LRMDA: variants seen among roughly 807,000 people sequenced by gnomAD.
The protein encoded by LRMDA is leucine-rich melanocyte differentiation-associated protein.
In LRMDA, 18 loss-of-function variants were observed where a neutral mutation model predicts 29.8. That is an observed-to-expected ratio of 0.60 (90% CI 0.42 to 0.90). The LOEUF (loss-of-function observed/expected upper bound fraction) is 0.90, where lower values mean the gene tolerates loss of function less well. Ranked by LOEUF, LRMDA falls within the 40% of genes least tolerant of loss-of-function variation. LRMDA has a pLI of 0.00. For missense variants in LRMDA, 273 were observed against 273.9 expected, an observed-to-expected ratio of 1.00 and a Z score of 0.02; for synonymous variants, 125 against 109.4, an observed-to-expected ratio of 1.14 and a Z score of -0.89.
At chr10:75,464,358 C>T (rs1024604785) in intron 2 of LRMDA, among the ~76,000 whole-genome samples, 1 of 152,128 alleles carries the variant, frequency 6.6e-6, no homozygotes, top group Non-Finnish European at 1.5e-5. Context: ...TTTGTGTATA[C>T]TCGAGTGGTG....
intron 6 of LRMDA, among the ~76,000 whole-genome samples, chr10:76,398,089 A>G (rs1003191316): frequency 1.3e-5 from 2 of 152,194 alleles, no homozygotes; most frequent in African/African-American, 4.8e-5. Flanking sequence ...AGAACCGAGC[A>G]GGTCTGCGGC....
chr10:75,775,715 T>A (rs1489481409), intron 2 of LRMDA, among the ~76,000 whole-genome samples: 2 of 152,192 alleles, frequency 1.3e-5, no homozygotes, highest in Non-Finnish European at 2.9e-5. Flanking sequence ...TCTTGGTGGC[T>A]CCACAGAGCA....
intron 5 of LRMDA, among the ~76,000 whole-genome samples, chr10:76,292,958 A>T (rs926061966): frequency 3.3e-5 from 5 of 152,134 alleles, no homozygotes; most frequent in South Asian, 4.1e-4. Flanking sequence ...ATGGGGAAAC[A>T]GTGTGTGTAT....
At chr10:76,115,720 A>G (rs11001615) in intron 5 of LRMDA, among the ~76,000 whole-genome samples, 80,843 of 151,854 alleles carry the variant, frequency 0.53, 22,489 homozygotes, top group East Asian at 0.74. Context: ...TTTCTTTCAC[A>G]GCTCCGGCTG....
At chr10:76,427,156 T>C (rs556034976) in intron 6 of LRMDA, among the ~76,000 whole-genome samples, 33 of 152,188 alleles carry the variant, frequency 2.2e-4, no homozygotes, top group African/African-American at 7.7e-4. Context: ...CATTGGTAGC[T>C]TGATGGGGAT....
intron 2 of LRMDA, among the ~76,000 whole-genome samples, chr10:75,506,462 T>TC (rs1845169368): frequency 8.8e-6 from 1 of 113,282 alleles, no homozygotes; most frequent in Non-Finnish European, 1.8e-5. Flanking sequence ...CATTCATTTA[T>TC]TTTTTTCATT....
intron 6 of LRMDA, among the ~76,000 whole-genome samples, chr10:76,429,574 TA>T (rs540840896): frequency 1.7e-4 from 25 of 149,466 alleles, no homozygotes; most frequent in Middle Eastern, 7.0e-3. Context: ...TGCGTTTCAT[TA>T]AAAAAAAAAT....
intron 6 of LRMDA, among the ~76,000 whole-genome samples, chr10:76,531,522 AT>A (rs1007054530): frequency 2.0e-5 from 3 of 151,726 alleles, no homozygotes; most frequent in East Asian, 3.9e-4. Flanking sequence ...GAATTTTGTC[AT>A]TTTTTTCTGC....
intron 6 of LRMDA, among the ~76,000 whole-genome samples, chr10:76,458,570 GCT>G (rs1842481234): frequency 6.6e-6 from 1 of 152,158 alleles, no homozygotes; most frequent in Admixed American, 6.5e-5. Flanking sequence ...GGAAGCTTGA[GCT>G]CTGTCTCTTG....
chr10:76,006,360 C>T (rs1008030614), intron 2 of LRMDA, among the ~76,000 whole-genome samples: 31 of 152,110 alleles, frequency 2.0e-4, no homozygotes, highest in African/African-American at 6.3e-4. Flanking sequence ...GTGACTCTGC[C>T]GCTTACCTGG....
At chr10:76,200,336 C>T (rs903164169) in intron 5 of LRMDA, among the ~76,000 whole-genome samples, 7 of 152,064 alleles carry the variant, frequency 4.6e-5, no homozygotes, top group Non-Finnish European at 7.4e-5. Flanking sequence ...ATGATAGAAA[C>T]GTTAGAGAGT....
intron 5 of LRMDA, among the ~76,000 whole-genome samples, chr10:76,220,427 A>T (rs1851810036): frequency 6.6e-6 from 1 of 152,202 alleles, no homozygotes; most frequent in Non-Finnish European, 1.5e-5. Flanking sequence ...ATAAAAAATG[A>T]TAAAGGGGAT....
At chr10:75,756,528 G>A (rs566066815) in intron 2 of LRMDA, among the ~76,000 whole-genome samples, 3 of 152,270 alleles carry the variant, frequency 2.0e-5, no homozygotes, top group East Asian at 3.9e-4. Flanking sequence ...GACTTGCTCC[G>A]ACCATTGATA....
intron 2 of LRMDA, among the ~76,000 whole-genome samples, chr10:75,889,470 G>A (rs1205846798): frequency 6.6e-6 from 1 of 152,174 alleles, no homozygotes; most frequent in African/African-American, 2.4e-5. Flanking sequence ...CTTTCTTCTG[G>A]TGTTAGGGGT....
intron 2 of LRMDA, among the ~76,000 whole-genome samples, chr10:75,631,085 G>A (rs1190457710): frequency 6.6e-6 from 1 of 152,140 alleles, no homozygotes; most frequent in Non-Finnish European, 1.5e-5. Flanking sequence ...GCCTGAACTT[G>A]CCTTTACCTT....
At chr10:76,141,496 T>G (rs1002437752) in intron 5 of LRMDA, among the ~76,000 whole-genome samples, 1 of 152,126 alleles carries the variant, frequency 6.6e-6, no homozygotes, top group African/African-American at 2.4e-5. Context: ...ACAAATGAAT[T>G]TAGATATGTA....
At chr10:76,361,408 C>A (rs1416723922) in intron 6 of LRMDA, among the ~76,000 whole-genome samples, 1 of 152,066 alleles carries the variant, frequency 6.6e-6, no homozygotes, top group Non-Finnish European at 1.5e-5. Flanking sequence ...AAGTCCCCAT[C>A]TAAGGGATAG....
intron 5 of LRMDA, among the ~76,000 whole-genome samples, chr10:76,240,194 C>T (rs1035598601): frequency 1.4e-5 from 2 of 142,100 alleles, no homozygotes; most frequent in African/African-American, 5.5e-5. Flanking sequence ...ACACACACAC[C>T]ACACACACAC....
At chr10:75,855,041 T>A (rs915922778) in intron 2 of LRMDA, among the ~76,000 whole-genome samples, 9 of 152,194 alleles carry the variant, frequency 5.9e-5, no homozygotes, top group Non-Finnish European at 1.2e-4. Flanking sequence ...TGTGCATGTG[T>A]CTTTATAGCA....
Sources: allele counts gnomAD v4.1 joint callset (sites outside exome capture counted in the v4.1 genomes callset), GRCh38; gene constraint gnomAD v4.1.1; transcripts MANE v1.5; gene names NCBI Gene and HGNC (gene_info 2026-07-23, HGNC 2026-07-21).